Variants in FBXL7 observed in about 807,000 individuals in gnomAD.
FBXL7 encodes the protein F-box and leucine rich repeat protein 7.
A neutral mutation model predicts 38.3 loss-of-function variants in FBXL7; 12 were observed. The observed-to-expected ratio is 0.31, with a 90% CI of 0.20 to 0.51. FBXL7 has a LOEUF of 0.51. FBXL7 is among the 20% of genes least tolerant of loss of function. FBXL7 has a pLI of 0.98. For synonymous variants in FBXL7, 297 were observed against 300.9 expected, an observed-to-expected ratio of 0.99 and a Z score of 0.13; for missense variants, 567 against 676.4, an observed-to-expected ratio of 0.84 and a Z score of 1.79.
intron 2 of FBXL7, among the ~76,000 whole-genome samples, chr5:15,737,707 T>A (rs984200057): frequency 4.6e-5 from 7 of 152,240 alleles, no homozygotes; most frequent in African/African-American, 1.7e-4. Context: ...TACATTTTTA[T>A]CACTTTGTCT....
intron 2 of FBXL7, among the ~76,000 whole-genome samples, chr5:15,762,430 T>C (rs990673300): frequency 2.6e-5 from 4 of 152,184 alleles, no homozygotes; most frequent in Non-Finnish European, 4.4e-5. Context: ...AAGATCCATG[T>C]TGGAAATCCA....
At chr5:15,501,001 C>T (rs1736472312) in intron 1 of FBXL7, among the ~76,000 whole-genome samples, 1 of 152,196 alleles carries the variant, frequency 6.6e-6, no homozygotes, top group African/African-American at 2.4e-5. Context: ...CCTTAACCTT[C>T]CTTCCCTGGG....
At chr5:15,641,405 G>A (rs567860969) in intron 2 of FBXL7, among the ~76,000 whole-genome samples, 2 of 152,260 alleles carry the variant, frequency 1.3e-5, no homozygotes, top group African/African-American at 4.8e-5. Context: ...AGGCAGTAGA[G>A]ACAGGTAGGA....
intron 2 of FBXL7, among the ~76,000 whole-genome samples, chr5:15,892,891 G>T (rs913962548): frequency 6.6e-6 from 1 of 152,180 alleles, no homozygotes; most frequent in Non-Finnish European, 1.5e-5. Context: ...GCCGAGGGGG[G>T]CGGATCACGA....
chr5:15,610,272 G>C (rs1295755222), intron 1 of FBXL7, among the ~76,000 whole-genome samples: 1 of 152,152 alleles, frequency 6.6e-6, no homozygotes, highest in Non-Finnish European at 1.5e-5. Context: ...ATCCCAGAGA[G>C]GGAAACCAAA....
At chr5:15,882,049 CTT>C (rs965183063) in intron 2 of FBXL7, among the ~76,000 whole-genome samples, 7 of 152,204 alleles carry the variant, frequency 4.6e-5, no homozygotes, top group African/African-American at 1.4e-4. Flanking sequence ...GTGCTGCAAA[CTT>C]TTAAAGGACC....
At chr5:15,897,708 G>C (rs1741137799) in intron 2 of FBXL7, among the ~76,000 whole-genome samples, 1 of 152,198 alleles carries the variant, frequency 6.6e-6, no homozygotes, top group Non-Finnish European at 1.5e-5. Flanking sequence ...AAGTCAGAAA[G>C]GTATAGGAGA....
chr5:15,878,143 C>A (rs185733627), intron 2 of FBXL7, among the ~76,000 whole-genome samples: 1 of 152,196 alleles, frequency 6.6e-6, no homozygotes, highest in African/African-American at 2.4e-5. Context: ...CTGGCAGGCA[C>A]TTCACAGAGC....
chr5:15,630,936 G>T (rs1003938480), intron 2 of FBXL7, among the ~76,000 whole-genome samples: 2 of 151,854 alleles, frequency 1.3e-5, no homozygotes, highest in Non-Finnish European at 2.9e-5. Flanking sequence ...CCTACCTCCT[G>T]TGTTTTTTGT....
At chr5:15,744,939 G>A (rs541222501) in intron 2 of FBXL7, among the ~76,000 whole-genome samples, 6 of 152,082 alleles carry the variant, frequency 3.9e-5, no homozygotes, top group African/African-American at 1.4e-4. Flanking sequence ...ACTATCACGA[G>A]AACAACATGA....
chr5:15,900,361 T>C (rs369307295), intron 2 of FBXL7, among the ~76,000 whole-genome samples: 5 of 152,222 alleles, frequency 3.3e-5, no homozygotes, highest in South Asian at 2.1e-4. Flanking sequence ...CATCAATCTA[T>C]ACCAAAGAAC....
At chr5:15,563,314 C>CAG (rs1262615466) in intron 1 of FBXL7, among the ~76,000 whole-genome samples, 1 of 152,136 alleles carries the variant, frequency 6.6e-6, no homozygotes, top group East Asian at 1.9e-4. Context: ...GCTGGCACTC[C>CAG]ATACCTACTT....
chr5:15,664,249 G>T (rs976778108), intron 2 of FBXL7, among the ~76,000 whole-genome samples: 1 of 151,862 alleles, frequency 6.6e-6, no homozygotes, highest in Non-Finnish European at 1.5e-5. Context: ...CAGTATACAC[G>T]CATTTTTCTC....
intron 1 of FBXL7, among the ~76,000 whole-genome samples, chr5:15,561,424 G>C (rs10067454): frequency 5.9e-5 from 9 of 151,992 alleles, no homozygotes; most frequent in African/African-American, 2.2e-4. Context: ...ATCGTATTCC[G>C]TTGTATAAAT....
chr5:15,865,692 T>TC (rs1223356945), intron 2 of FBXL7, among the ~76,000 whole-genome samples: 1 of 152,122 alleles, frequency 6.6e-6, no homozygotes, highest in Non-Finnish European at 1.5e-5. Context: ...CTCCCTTTTT[T>TC]CCCCTTCTTC....
intron 2 of FBXL7, among the ~76,000 whole-genome samples, chr5:15,905,510 T>C (rs925499379): frequency 6.6e-6 from 1 of 151,848 alleles, no homozygotes; most frequent in African/African-American, 2.4e-5. Flanking sequence ...ATAATTAATA[T>C]GGAAAAATGG....
At chr5:15,855,622 A>C (rs1224459140) in intron 2 of FBXL7, among the ~76,000 whole-genome samples, 1 of 152,192 alleles carries the variant, frequency 6.6e-6, no homozygotes, top group Non-Finnish European at 1.5e-5. Flanking sequence ...GCTAAATAAA[A>C]ATCTTTGTAG....
intron 2 of FBXL7, among the ~76,000 whole-genome samples, chr5:15,698,640 T>C (rs1342913857): frequency 1.3e-5 from 2 of 152,220 alleles, no homozygotes; most frequent in African/African-American, 4.8e-5. Flanking sequence ...GTCTGTCTTT[T>C]CTCTGTTTCT....
At chr5:15,698,746 C>T (rs906907685) in intron 2 of FBXL7, among the ~76,000 whole-genome samples, 3 of 152,168 alleles carry the variant, frequency 2.0e-5, no homozygotes, top group Admixed American at 6.5e-5. Context: ...AGAATTTGGA[C>T]TGTAAGTATA....
Sources: allele counts gnomAD v4.1 joint callset (sites outside exome capture counted in the v4.1 genomes callset), GRCh38; gene constraint gnomAD v4.1.1; transcripts MANE v1.5; gene names NCBI Gene and HGNC (gene_info 2026-07-23, HGNC 2026-07-21).